Variants in EFL1 observed in about 807,000 individuals in gnomAD.
The protein encoded by EFL1 is elongation factor-like GTPase 1.
EFL1 carries 76 observed loss-of-function variants against 126.7 expected under a neutral mutation model. The observed-to-expected ratio is 0.60, with a 90% confidence interval of 0.50 to 0.73. The LOEUF is 0.73. Among genes scored for constraint, EFL1 ranks in the 30% least tolerant of loss-of-function variants. EFL1 has a pLI of 0.00. For synonymous variants in EFL1, 410 were observed against 448.4 expected, an observed-to-expected ratio of 0.91 and a Z score of 1.08; for missense variants, 1,128 against 1,343.2, an observed-to-expected ratio of 0.84 and a Z score of 2.50.
At chr15:82,214,994 T>C (rs1249457974) in intron 14 of EFL1, 139 bp from the exon 15 acceptor site, 1 of 715,096 alleles carries the variant, frequency 1.4e-6, no homozygotes, top group African/African-American at 1.8e-5. Flanking sequence ...ACATTTGAAA[T>C]GGTGTGATAA....
At chr15:82,237,029 G>T (rs1470853675) in intron 7 of EFL1, among the ~76,000 whole-genome samples, 1 of 152,206 alleles carries the variant, frequency 6.6e-6, no homozygotes, top group Non-Finnish European at 1.5e-5. Context: ...TGTAGTCCCA[G>T]CTACTCAGGA....
At chr15:82,157,577 G>A (rs1345511528) in intron 17 of EFL1, 136 bp downstream of exon 17, 1 of 1,033,068 alleles carries the variant, frequency 9.7e-7, no homozygotes, top group Non-Finnish European at 1.4e-6. Context: ...TCGAATAACT[G>A]TTCATGTCTG....
chr15:82,221,227 T>C (rs1052444513), intron 12 of EFL1, among the ~76,000 whole-genome samples: 1 of 152,170 alleles, frequency 6.6e-6, no homozygotes, highest in Admixed American at 6.5e-5. Context: ...ACCTTTGATA[T>C]TATGATTCCT....
chr15:82,204,561 T>C (rs2074504533), intron 15 of EFL1, among the ~76,000 whole-genome samples: 1 of 152,232 alleles, frequency 6.6e-6, no homozygotes, highest in Admixed American at 6.5e-5. Flanking sequence ...ACCAAAAGAC[T>C]ATTGTGTGAA....
intron 15 of EFL1, among the ~76,000 whole-genome samples, chr15:82,212,850 G>T (rs1202851959): frequency 6.6e-6 from 1 of 152,242 alleles, no homozygotes; most frequent in East Asian, 1.9e-4. Flanking sequence ...CATATATACA[G>T]AAGTCACTAG....
At chr15:82,178,813 T>C (rs1049797364) in intron 15 of EFL1, among the ~76,000 whole-genome samples, 14 of 152,078 alleles carry the variant, frequency 9.2e-5, no homozygotes, top group Admixed American at 6.6e-4. Flanking sequence ...CTGAAGCTAA[T>C]CCTTGGTACT....
intron 15 of EFL1, among the ~76,000 whole-genome samples, chr15:82,181,642 G>A (rs954666697): frequency 1.1e-4 from 17 of 151,490 alleles, no homozygotes; most frequent in Non-Finnish European, 1.8e-4. Context: ...GTGTGTGTGT[G>A]TGTATATATA....
At chr15:82,184,787 C>G (rs1433493898) in intron 15 of EFL1, among the ~76,000 whole-genome samples, 2 of 152,140 alleles carry the variant, frequency 1.3e-5, no homozygotes, top group African/African-American at 4.8e-5. Flanking sequence ...AAATTCCTCA[C>G]AATTTGACAG....
chr15:82,142,691 C>T (rs2073802356), intron 18 of EFL1, among the ~76,000 whole-genome samples: 1 of 152,262 alleles, frequency 6.6e-6, no homozygotes, highest in African/African-American at 2.4e-5. Flanking sequence ...AGTAACCCAC[C>T]CCTTCAGCTT....
At chr15:82,148,823 C>G (rs528189783) in intron 18 of EFL1, among the ~76,000 whole-genome samples, 1 of 152,136 alleles carries the variant, frequency 6.6e-6, no homozygotes, top group Non-Finnish European at 1.5e-5. Flanking sequence ...ATAAACACTG[C>G]GTTCCATAAA....
At chr15:82,238,798 G>A (rs539311084) in intron 6 of EFL1, among the ~76,000 whole-genome samples, 12 of 152,148 alleles carry the variant, frequency 7.9e-5, no homozygotes, top group Admixed American at 3.9e-4. Context: ...TCCTTAATTT[G>A]TTTCTCAGTG....
At chr15:82,209,121 GATA>G (rs2074556184) in intron 15 of EFL1, among the ~76,000 whole-genome samples, 1 of 152,064 alleles carries the variant, frequency 6.6e-6, no homozygotes, top group Admixed American at 6.5e-5. Context: ...TGGAAATGCT[GATA>G]ATAAAGTACA....
chr15:82,198,117 T>C (rs1335525376), intron 15 of EFL1, among the ~76,000 whole-genome samples: 1 of 152,192 alleles, frequency 6.6e-6, no homozygotes, highest in African/African-American at 2.4e-5. Context: ...GAGCACAGGC[T>C]CATGCATGCG....
chr15:82,188,125 C>G (rs1455878174), intron 15 of EFL1, among the ~76,000 whole-genome samples: 1 of 152,058 alleles, frequency 6.6e-6, no homozygotes, highest in Non-Finnish European at 1.5e-5. Flanking sequence ...AAATTTGTAT[C>G]TTTATCTTTA....
At chr15:82,218,515 C>T (rs2074674788) in intron 14 of EFL1, among the ~76,000 whole-genome samples, 1 of 152,036 alleles carries the variant, frequency 6.6e-6, no homozygotes, top group Non-Finnish European at 1.5e-5. Context: ...CAATGTTTCA[C>T]TAAATAACAA....
chr15:82,218,857 C>T (rs976791520), intron 14 of EFL1, among the ~76,000 whole-genome samples: 2 of 152,158 alleles, frequency 1.3e-5, no homozygotes, highest in African/African-American at 2.4e-5. Context: ...CAGAGACTTA[C>T]TTCAACTGCT....
At chr15:82,215,479 C>T (rs1294260262) in intron 14 of EFL1, 1 of 152,006 alleles carries the variant, frequency 6.6e-6, no homozygotes, top group Non-Finnish European at 1.5e-5. Flanking sequence ...AGTACAAGTA[C>T]ATTAGATTTA....
At chr15:82,170,276 G>A (rs903889927) in intron 15 of EFL1, among the ~76,000 whole-genome samples, 7 of 151,448 alleles carry the variant, frequency 4.6e-5, no homozygotes, top group African/African-American at 9.7e-5. Context: ...CACTACGCCC[G>A]GCTAATTTTT....
chr15:82,243,663 A>G (rs1174173363), intron 4 of EFL1, among the ~76,000 whole-genome samples: 1 of 108,778 alleles, frequency 9.2e-6, no homozygotes, highest in African/African-American at 3.7e-5. Context: ...TCGTACAGAC[A>G]TTTCAGGCTT....
Sources: gnomAD v4.1 joint callset for allele counts (sites outside exome capture counted in the v4.1 genomes callset) on GRCh38, gnomAD v4.1.1 for gene constraint, MANE v1.5 for transcripts, NCBI Gene and HGNC (gene_info 2026-07-23, HGNC 2026-07-21) for gene names.